The following TTN variants were observed in gnomAD, a reference collection of about 807,000 sequenced individuals.
The protein encoded by TTN is connectin.
Under a neutral mutation model 3,223.0 loss-of-function variants are expected in TTN, and 1,525 were observed. The ratio of observed to expected loss-of-function variants is 0.47; its 90% CI spans 0.45 to 0.49. TTN has a LOEUF of 0.49. TTN is among the 20% of genes least tolerant of loss of function. The pLI is 0.00. For missense variants in TTN, 40,786 were observed against 43,424.0 expected (o/e 0.94, Z 5.40); for synonymous variants, 14,094 against 15,161.0 (o/e 0.93, Z 5.17).
chr2:178,738,174 A>C lies in TTN; in HGVS notation c.14279T>G (p.Leu4760Arg), dbSNP rs2081864609. The change falls in exon 49 of 363, where the codon CTG becomes CGG. Residue 4760 changes from leucine to arginine, a missense_variant. Physicochemically the swap from Leu to Arg is moderately radical, Grantham distance 102 (BLOSUM62 -2). Transcript: ENST00000589042. The part of the protein sequence containing the change: ...SSKYISSLEI[L>R]RTQVVDCGEY... ...GCCGCAGTCAACCACCTGGGTTCTC[A>C]GGATTTCAAGGCTGGAGATATACTT... 1 of 1,613,634 alleles carries C rather than the reference A, an allele frequency of 6.2e-7. No homozygotes were observed. Among genetic ancestry groups the C allele is most frequent in the African/African-American group, 1.3e-5 (1 of 74,938 alleles).
chr2:178,712,304 T>A lies in TTN; in HGVS notation c.27607+11A>T. 6.2e-7 allele frequency: 1 copy of A among 1,610,680 alleles called. No individual in the cohort carries two copies. On this transcript the variant is annotated intron_variant, in intron 95 of 362. Transcript: ENST00000589042. ...TGTATACAAAGATAAAAATGTGCAA[T>A]CATGACAAACCTAGTATGAGTATTT...
At position 178,564,040 on chromosome 2, in the gene TTN, T is replaced by C; in HGVS notation, c.82092A>G (p.Val27364=). ...VGGTKSIPIT[V]KVLDRPGPPE... The stretch of plus-strand genomic sequence containing the variant: ...GAGGCCCTGGCCTGTCAAGTACCTT[T>C]ACAGTGATGGGTATAGACTTTGTAC... The change falls in exon 326 of 363, where the codon GTA becomes GTG. Residue 27364 remains valine (V), a synonymous_variant. Coordinates refer to ENST00000589042, the MANE Select transcript of TTN (RefSeq NM_001267550.2). The C allele has an allele frequency of 6.2e-7, 1 of 1,613,782 alleles. No homozygotes were observed. Among genetic ancestry groups the C allele is most frequent in the Non-Finnish European group, 8.5e-7 (1 of 1,179,742 alleles).
chr2:178,711,575 C>T (rs949204880), intron 96 of TTN, among the ~76,000 whole-genome samples: 1 of 152,126 alleles, frequency 6.6e-6, no homozygotes. Flanking sequence ...AGTATGAAAA[C>T]CAATAAAGCA....
At position 178,565,889 on chromosome 2, in the gene TTN, G is replaced by C; in HGVS notation, c.80243C>G (p.Thr26748Arg). ...TCTGAAGTAATAAATGGCTCCTTCT[G>C]TAAGGTTTTCCACTTTAAAACTTGT... ...SKTSFKVENL[T>R]EGAIYYFRVM... Residue 26748 changes from threonine to arginine, a missense_variant, in exon 326 of 363, where the codon ACA becomes AGA. Physicochemically the swap from Thr to Arg is moderately conservative, Grantham distance 71. Transcript: ENST00000589042. 6.2e-7 allele frequency: 1 copy of C among 1,613,624 alleles called. No individual in the cohort carries two copies. Among genetic ancestry groups the C allele is most frequent in the Non-Finnish European group, 8.5e-7 (1 of 1,179,652 alleles).
chr2:178,532,444 T>C lies in TTN; in HGVS notation c.104171A>G (p.Lys34724Arg), dbSNP rs1245801659. 6.2e-7 allele frequency: 1 copy of C among 1,613,880 alleles called. No individual in the cohort carries two copies. The highest frequency in any genetic ancestry group is 1.3e-5 in the African/African-American group (1 of 74,926). The change falls in exon 358 of 363, where the codon AAA (lysine) becomes AGA (arginine). Residue 34724 changes from lysine to arginine, a missense_variant. Lys to Arg is a conservative substitution (Grantham distance 26). Transcript: ENST00000589042. ...QAHVKVEETR[K>R]DFRYSTYHIP... ...GTGATAGGTTGAATACCTGAAGTCT[T>C]TTCTTGTTTCCTCCACCTTGACATG...
Position 178,621,249 on chromosome 2 carries a change from TATC to T in TTN, c.45466_45468del (p.Asp15156del). On this transcript the variant is annotated inframe_deletion, in exon 246 of 363. Transcript: ENST00000589042. ...TATTTATCTCCAGATTCAAGTGTCT[TATC>T]ATCCCTCTTCCACTGGACTGGAAAG... 1.9e-6 allele frequency: 3 copies of T among 1,612,346 alleles called. No individual in the cohort carries two copies. The highest frequency in any genetic ancestry group is 2.5e-6 in the Non-Finnish European group (3 of 1,179,110).
rs2057143975 is a variant in TTN at position 178,615,379 on chromosome 2, C to T, written c.48566G>A (p.Gly16189Glu). ...PKNDGGSRIKGYIVERCPRGS... is the reference protein window; with the variant it reads ...PKNDGGSRIKEYIVERCPRGS... The stretch of plus-strand genomic sequence containing the variant: ...ACGTGGACATCTTTCAACTATATAT[C>T]CTTTGATGCGTGAACCACCATCATT... Residue 16189 changes from glycine to glutamate, a missense_variant, in exon 259 of 363, where the codon GGA becomes GAA. By Grantham distance (98) the Gly-to-Glu change is moderately conservative. Transcript: ENST00000589042. The T allele has an allele frequency of 1.9e-6, 3 of 1,612,492 alleles. No individual in the cohort carries two copies. Among genetic ancestry groups the T allele is most frequent in the East Asian group, 2.2e-5 (1 of 44,740 alleles).
At chr2:178,719,008 A>C in intron 83 of TTN, 35 bp from the exon 84 acceptor site, 5 of 1,539,974 alleles carry the variant, frequency 3.2e-6, no homozygotes, top group Non-Finnish European at 4.4e-6. Flanking sequence ...AGATAAAGAG[A>C]AGAAAGAAAT....
rs1490163644 is a variant in TTN, at chr2:178,673,654, C to G, written c.34765G>C (p.Val11589Leu). The change falls in exon 152 of 363, where the codon GTG becomes CTG. Residue 11589 changes from valine (V) to leucine (L), a missense_variant. Coordinates refer to ENST00000589042, the MANE Select transcript of TTN (RefSeq NM_001267550.2). The stretch of plus-strand genomic sequence containing the variant: ...ATACCTTTAGCTGGTGGTGCCTCCA[C>G]TTTTTTAGGAACAGGAGTAGGTGCT... ...PEAPTPVPKK[V>L]EAPPAKVSKK... is the part of the protein sequence containing the mutation. The G allele has an allele frequency of 1.9e-6, 3 of 1,594,724 alleles. No homozygotes were observed. Among genetic ancestry groups the G allele is most frequent in the Non-Finnish European group, 2.6e-6 (3 of 1,172,662 alleles).
At position 178,649,554 on chromosome 2, in the gene TTN, C is replaced by A. The variant is rs1443364392; in HGVS notation, c.39973G>T (p.Val13325Leu). The change falls in exon 212 of 363, where the codon GTG (valine) becomes TTG (leucine). Residue 13325 changes from valine to leucine, a missense_variant and splice_region_variant. Physicochemically the swap from Val to Leu is conservative, Grantham distance 32 (BLOSUM62 1). Coordinates refer to ENST00000589042, the MANE Select transcript of TTN (RefSeq NM_001267550.2). The stretch of plus-strand genomic sequence containing the variant: ...ATGATGCCAACGATGAAGTGAATAC[C>A]TTTAGCTGCTGGTGTTTCTGGCTTC... Reference protein sequence around the residue: ...VKKPETPAAKVPEVPKKLVPV... With the variant: ...VKKPETPAAKLPEVPKKLVPV... The A allele has an allele frequency of 1.9e-6, 3 of 1,549,350 alleles. No homozygotes were observed. In the East Asian group the frequency reaches 7.3e-5, roughly 38 times the overall value.
In TTN at chr2:178,634,993, A is replaced by G; in HGVS notation, c.42025-144T>C. 7.3e-7 allele frequency: 1 copy of G among 1,376,018 alleles called. No homozygotes were observed. The highest frequency in any genetic ancestry group is 9.7e-7 in the Non-Finnish European group (1 of 1,034,298). The allele number at this position is 1,376,018 out of a possible 1,614,324, so 85.2% of individuals were successfully genotyped here. On this transcript the variant is annotated intron_variant, in intron 228 of 362. Coordinates refer to ENST00000589042, the MANE Select transcript of TTN (RefSeq NM_001267550.2). The surrounding 1 kb of genome is among the most constrained non-coding windows in gnomAD (Gnocchi z 4.6). ...ATTCCCTGTCATAACATTTTACACAAATTGTTCAAGTTGTCCCCAAATGAT... is the reference window on the plus strand; with the variant it reads ...ATTCCCTGTCATAACATTTTACACAGATTGTTCAAGTTGTCCCCAAATGAT...
At position 178,592,877 on chromosome 2, in the gene TTN, G is replaced by A. The variant is rs780429608; in HGVS notation, c.59242C>T (p.Arg19748Trp). 1.5e-5 allele frequency: 24 copies of A among 1,613,326 alleles called. No homozygotes were observed. The African/African-American group carries it at 2.0e-4, about 13-fold the overall frequency. ...CTAAACTTATAGGTTTGACCGTCCC[G>A]AAGACCGGTGACTTTATATTTAGTT... ...PETKYKVTGLRDGQTYKFRVL... is the reference protein window; with the variant it reads ...PETKYKVTGLWDGQTYKFRVL... Residue 19748 changes from arginine to tryptophan, a missense_variant, in exon 300 of 363, where the codon CGG becomes TGG. Arg to Trp is a moderately radical substitution (Grantham distance 101). Transcript: ENST00000589042.
In TTN at chr2:178,568,217, C is replaced by T. The variant is rs752809281; in HGVS notation, c.77915G>A (p.Gly25972Glu). 1 of 1,613,466 alleles carries T rather than the reference C, an allele frequency of 6.2e-7. No homozygotes were observed. The highest frequency in any genetic ancestry group is 1.7e-5 in the Admixed American group (1 of 59,982). ...ATCAGACTCTAAGGCAAAGCTTTGT[C>T]CATATCTGTTTTCGGCAAATATTCT... ...QFRIFAENRY[G>E]QSFALESDPI... is the part of the protein sequence containing the mutation. Residue 25972 changes from glycine to glutamate, a missense_variant, in exon 326 of 363, where the codon GGA (glycine) becomes GAA (glutamate). Transcript: ENST00000589042.
Position 178,775,028 on chromosome 2 carries a change from A to C in TTN, c.6683T>G (p.Val2228Gly). The part of the protein sequence containing the change: ...DKYRMHSDRK[V>G]HFLSILTIDT... The stretch of plus-strand genomic sequence containing the variant: ...AATGGTCAGTATGGAGAGGAAGTGA[A>C]CCTTTCTGTCAGAGTGCATCCTGTA... Residue 2228 changes from valine to glycine, a missense_variant, in exon 29 of 363, where the codon GTT (valine) becomes GGT (glycine). Transcript: ENST00000589042. 1 of 1,613,962 alleles carries C rather than the reference A, an allele frequency of 6.2e-7. No homozygotes were observed. Among genetic ancestry groups the C allele is most frequent in the Non-Finnish European group, 8.5e-7 (1 of 1,179,934 alleles).
Position 178,698,851 on chromosome 2 carries a change from G to T in TTN, c.30746C>A (p.Pro10249Gln), listed in dbSNP as rs757573557. The change falls in exon 112 of 363, where the codon CCA becomes CAA. Residue 10249 changes from proline to glutamine, a missense_variant. Pro to Gln is a moderately conservative substitution (Grantham distance 76). Transcript: ENST00000589042. Reference protein sequence around the residue: ...KVVAKPKEMTPREEIVKKPPP... With the variant: ...KVVAKPKEMTQREEIVKKPPP... ...TTGATTAATTATAATACCTTCACGTGGTGTCATCTCTTTGGGCTTTGCAAC... is the reference window on the plus strand; with the variant it reads ...TTGATTAATTATAATACCTTCACGTTGTGTCATCTCTTTGGGCTTTGCAAC... 6.5e-7 allele frequency: 1 copy of T among 1,544,830 alleles called. No individual in the cohort carries two copies. The highest frequency in any genetic ancestry group is 2.0e-5 in the Admixed American group (1 of 50,636).
chr2:178,551,541 T>C (rs1470683252), intron 335 of TTN, 89 bp downstream of exon 335: 1 of 1,109,808 alleles, frequency 9.0e-7, no homozygotes, highest in Non-Finnish European at 1.3e-6. Flanking sequence ...TGTAAGAAGG[T>C]GATGCAGAGA....
chr2:178,548,403 A>T lies in TTN; in HGVS notation c.93223T>A (p.Phe31075Ile), dbSNP rs956327300. 1 of 1,613,742 alleles carries T rather than the reference A, an allele frequency of 6.2e-7. No individual in the cohort carries two copies. Among genetic ancestry groups the T allele is most frequent in the Admixed American group, 1.7e-5 (1 of 59,984 alleles). ...CCTTCGGCCAGGTCATTGACCTTGA[A>T]GATCTGACGAGTGCATTTTTCACTG... is the stretch of plus-strand genomic sequence containing the variant. Reference protein sequence around the residue: ...VISEKCTRQIFKVNDLAEGVP... With the variant: ...VISEKCTRQIIKVNDLAEGVP... Residue 31075 changes from phenylalanine to isoleucine, a missense_variant, in exon 339 of 363, where the codon TTC becomes ATC. Physicochemically the swap from Phe to Ile is conservative, Grantham distance 21. Coordinates refer to ENST00000589042, the MANE Select transcript of TTN (RefSeq NM_001267550.2). The surrounding 1 kb of genome is among the most constrained non-coding windows in gnomAD (Gnocchi z 4.3).
Position 178,579,125 on chromosome 2 carries a change from AG to A in TTN, c.67904del (p.Thr22635IlefsTer4). The A allele has an allele frequency of 6.2e-7, 1 of 1,613,410 alleles. No individual in the cohort carries two copies. Among genetic ancestry groups the A allele is most frequent in the Non-Finnish European group, 8.5e-7 (1 of 1,179,566 alleles). On this transcript the variant is annotated frameshift_variant, in exon 320 of 363. Coordinates refer to ENST00000589042, the MANE Select transcript of TTN (RefSeq NM_001267550.2). LOFTEE classifies it high-confidence loss of function. ...LKNVAGTKEGTISIKVVGKPG... is the reference protein window; with the variant it reads ...LKNVAGTKEGXISIKVVGKPG... ...GCTTGCCAACAACCTTTATGGAGAT[AG>A]TTCCTTCCTTGGTGCCAGCAACATT... is the stretch of plus-strand genomic sequence containing the variant.
In TTN at chr2:178,563,535, C is replaced by T. The variant is rs1704471479; in HGVS notation, c.82597G>A (p.Gly27533Ser). 6 of 1,613,766 alleles carry T rather than the reference C, an allele frequency of 3.7e-6. No homozygotes were observed. The highest frequency in any genetic ancestry group is 5.1e-6 in the Non-Finnish European group (6 of 1,179,752). The part of the protein sequence containing the change: ...TLTDLRLRVT[G>S]LTEGHSYEFR... ...TCATAGGAATGGCCTTCGGTAAGAC[C>T]AGTTACCCTGAGCCGCAGATCCGTT... The change falls in exon 326 of 363, where the codon GGT becomes AGT. Residue 27533 changes from glycine to serine, a missense_variant. Transcript: ENST00000589042. The surrounding 1 kb of genome is among the most constrained non-coding windows in gnomAD (Gnocchi z 4.5).
Sources: allele counts gnomAD v4.1 joint callset (sites outside exome capture counted in the v4.1 genomes callset), GRCh38; gene constraint gnomAD v4.1.1; non-coding constraint Gnocchi (gnomAD v3.1); transcripts MANE v1.5; gene names NCBI Gene and HGNC (gene_info 2026-07-23, HGNC 2026-07-21).